FBXL2: variants seen among roughly 807,000 people sequenced by gnomAD.
The protein encoded by FBXL2 is F-box and leucine rich repeat protein 2.
In FBXL2, 38 loss-of-function variants were observed where a neutral mutation model predicts 69.2. The observed-to-expected ratio is 0.55, with a 90% CI of 0.42 to 0.72. The LOEUF is 0.72. Among genes scored for constraint, FBXL2 ranks in the 30% least tolerant of loss-of-function variants. FBXL2 has a pLI of 0.00. For synonymous variants in FBXL2, 192 were observed against 201.3 expected (o/e 0.95, Z 0.39); for missense variants, 354 against 520.3 (o/e 0.68, Z 3.11).
chr3:33,277,204 G>T (rs996356644), upstream of FBXL2: 3 of 350,134 alleles, frequency 8.6e-6, no homozygotes, highest in Middle Eastern at 7.5e-4. Flanking sequence ...AAAAATCCAT[G>T]GTCTCTTTCA....
At chr3:33,346,927 A>G (rs2040485045) in intron 2 of FBXL2, among the ~76,000 whole-genome samples, 1 of 152,208 alleles carries the variant, frequency 6.6e-6, no homozygotes, top group African/African-American at 2.4e-5. Context: ...TATCAGGGTA[A>G]ATGGGGATAT....
chr3:33,328,371 CAA>C (rs2038874569), intron 2 of FBXL2, among the ~76,000 whole-genome samples: 1 of 152,010 alleles, frequency 6.6e-6, no homozygotes, highest in Non-Finnish European at 1.5e-5. Context: ...TATGGACCCA[CAA>C]AAGACTCCAA....
At position 33,386,478 on chromosome 3, in the gene FBXL2, G is replaced by A. The variant is rs1182947727; in HGVS notation, c.*870G>A. 6.6e-6 allele frequency: 1 copy of A among 152,168 alleles called. No individual in the cohort carries two copies. Among genetic ancestry groups the A allele is most frequent in the East Asian group, 1.9e-4 (1 of 5,174 alleles). The allele number at this position is 152,168 out of a possible 1,614,324, so 9.4% of individuals were successfully genotyped here. A position where few individuals can be genotyped will look rare whatever the true frequency, so the allele number is the denominator to read the frequency against. The stretch of plus-strand genomic sequence containing the variant: ...AGTAATGAATGGATGCATGTAAAAT[G>A]GATGTGATTTTTTTTCAAGCTTATT... On this transcript the variant is annotated 3_prime_UTR_variant, in exon 15 of 15. Transcript: ENST00000484457.
At chr3:33,310,762 T>A (rs1021179713) in intron 2 of FBXL2, among the ~76,000 whole-genome samples, 30 of 151,760 alleles carry the variant, frequency 2.0e-4, no homozygotes, top group African/African-American at 5.1e-4. Flanking sequence ...AGGGTTTTTT[T>A]AAAAAAAATT....
the FBXL2 span, chr3:33,412,581 CA>C: frequency 0.39 from 192,029 of 494,396 alleles, 12,187 homozygotes; most frequent in African/African-American, 0.55. Context: ...GGCTCTGTCT[CA>C]AAAAAAAAAA....
intron 4 of FBXL2, among the ~76,000 whole-genome samples, chr3:33,360,975 A>G (rs1401327301): frequency 8.8e-6 from 1 of 113,970 alleles, no homozygotes; most frequent in Non-Finnish European, 1.6e-5. Flanking sequence ...TCTGTCACCC[A>G]GGCTGGAGTG....
chr3:33,286,610 T>G (rs534975011), intron 1 of FBXL2, among the ~76,000 whole-genome samples: 127 of 152,368 alleles, frequency 8.3e-4, no homozygotes, highest in Admixed American at 2.1e-3. Context: ...TGCTGCCTTT[T>G]GTTCAGCTGT....
chr3:33,306,013 G>A (rs184732138), intron 2 of FBXL2, among the ~76,000 whole-genome samples: 7 of 151,564 alleles, frequency 4.6e-5, no homozygotes, highest in Admixed American at 6.6e-5. Flanking sequence ...TTGTTTCTTC[G>A]TTTCTATTTT....
intron 2 of FBXL2, among the ~76,000 whole-genome samples, chr3:33,317,849 T>C (rs1219492289): frequency 1.3e-5 from 2 of 152,204 alleles, no homozygotes; most frequent in Non-Finnish European, 2.9e-5. Flanking sequence ...CTGAAACTTT[T>C]TTGAGCACAG....
chr3:33,303,234 A>G (rs2036440268), intron 2 of FBXL2: 2 of 452,620 alleles, frequency 4.4e-6, no homozygotes, highest in South Asian at 1.6e-5. Context: ...CTCTTTGCCG[A>G]AGAGTTTTTT....
chr3:33,383,744 C>T, intron 13 of FBXL2: 1 of 484,064 alleles, frequency 2.1e-6, no homozygotes. Context: ...GTGTTTGGTC[C>T]TCACTGCCTG....
In FBXL2 at chr3:33,285,139, T is replaced by C. The variant is rs192886604; in HGVS notation, c.3+7624T>C. ...TGATGCAGTTTCTTCTTAGCATTGA[T>C]AGTCTTTACAGTTTGGCATGTTTTT... On this transcript the variant is annotated intron_variant, in intron 1 of 14. Transcript: ENST00000484457. 2.4e-4 allele frequency among the ~76,000 whole-genome samples: 36 copies of C among 152,356 alleles called. No homozygotes were observed. The East Asian group carries it at 3.3e-3, about 14-fold the overall frequency.
At chr3:33,418,505 C>T in the FBXL2 span, among the ~76,000 whole-genome samples, 4 of 151,916 alleles carry the variant, frequency 2.6e-5, no homozygotes, top group Non-Finnish European at 4.4e-5. Flanking sequence ...GTGATTCACC[C>T]GCCTCAGCCT....
intron 2 of FBXL2, among the ~76,000 whole-genome samples, chr3:33,323,321 A>AT (rs1318868946): frequency 4.6e-5 from 7 of 151,894 alleles, no homozygotes; most frequent in Admixed American, 4.6e-4. Context: ...TCCTTTTTTT[A>AT]TTATTATACT....
chr3:33,280,905 A>G (rs1258037942), intron 1 of FBXL2, among the ~76,000 whole-genome samples: 2 of 152,024 alleles, frequency 1.3e-5, no homozygotes, highest in East Asian at 1.9e-4. Flanking sequence ...TTCCAGTTTA[A>G]TTTGTTCATT....
intron 12 of FBXL2, chr3:33,400,880 CT>C: frequency 7.5e-7 from 1 of 1,341,654 alleles, no homozygotes; most frequent in South Asian, 1.3e-5. Flanking sequence ...TTCTCACCTA[CT>C]CCATACATTT....
chr3:33,392,488 C>G, downstream of FBXL2: 1 of 1,244,506 alleles, frequency 8.0e-7, no homozygotes, highest in Non-Finnish European at 1.1e-6. Context: ...AGAATAAACA[C>G]GAGAGGCACT....
chr3:33,373,597 G>C lies in FBXL2; in HGVS notation c.475G>C (p.Glu159Gln), dbSNP rs778544262. 5.6e-6 allele frequency: 9 copies of C among 1,614,146 alleles called. No individual in the cohort carries two copies. Among genetic ancestry groups the C allele is most frequent in the Non-Finnish European group, 6.8e-6 (8 of 1,180,030 alleles). The change falls in exon 8 of 15, where the codon GAG becomes CAG. Residue 159 changes from glutamate to glutamine, a missense_variant. Physicochemically the swap from Glu to Gln is conservative, Grantham distance 29. Transcript: ENST00000484457. ...KGISEGCRNL[E>Q]YLNLSWCDQI... The stretch of plus-strand genomic sequence containing the variant: ...TCTCAGTGAGGGCTGCCGAAACCTG[G>C]AGTACCTGAACCTCTCTTGGTGTGA...
downstream of FBXL2, among the ~76,000 whole-genome samples, chr3:33,405,919 C>T (rs1167734358): frequency 2.0e-5 from 3 of 152,088 alleles, no homozygotes; most frequent in Non-Finnish European, 4.4e-5. Context: ...GCAATGGATA[C>T]ATGGAAAATA....
Sources: gnomAD v4.1 joint callset for allele counts (sites outside exome capture counted in the v4.1 genomes callset) on GRCh38, gnomAD v4.1.1 for gene constraint, MANE v1.5 for transcripts, NCBI Gene and HGNC (gene_info 2026-07-23, HGNC 2026-07-21) for gene names.